The following TDRD12 variants were observed in gnomAD, a reference collection of about 807,000 sequenced individuals.
TDRD12 encodes the protein tudor domain containing 12.
In TDRD12, 158 loss-of-function variants were observed where a neutral mutation model predicts 133.5. The observed-to-expected ratio is 1.18, with a 90% confidence interval of 1.04 to 1.35. TDRD12 has a LOEUF of 1.35. Among genes scored for constraint, TDRD12 ranks in the 40% most tolerant of loss-of-function variants. The pLI, the probability that TDRD12 is intolerant of heterozygous loss-of-function variation, is 0.00. For missense variants in TDRD12, 1,443 were observed against 1,321.3 expected (o/e 1.09, Z -1.43); for synonymous variants, 460 against 477.9 (o/e 0.96, Z 0.49).
rs1970496247 is a variant in TDRD12 at position 32,773,540 on chromosome 19, T to A, written c.1040+8T>A. 1.9e-6 allele frequency: 3 copies of A among 1,551,402 alleles called. No individual in the cohort carries two copies. The East Asian group carries it at 7.3e-5, about 38-fold the overall frequency. ...AGATGTACCAGAAGCAAGGTATGAT[T>A]TGAAAATTCAAACTGGGTGTGGTGG... On this transcript the variant is annotated splice_region_variant and intron_variant, in intron 10 of 27. Coordinates refer to ENST00000444215, the Ensembl canonical transcript of TDRD12.
rs563099252 is a variant in TDRD12, at chr19:32,826,768, A to C, written c.1049+170A>C. ...CCCAAGGGTAAGGCATAGAGCGCCC[A>C]CTCTCCGAGGGGTTGTAGGTTCTGA... is the stretch of plus-strand genomic sequence containing the variant. On this transcript the variant is annotated intron_variant, in intron 9 of 9. Transcript: ENST00000637289. The C allele has an allele frequency of 2.4e-6, 3 of 1,229,564 alleles. No homozygotes were observed. In the South Asian group the frequency reaches 1.2e-4, roughly 51 times the overall value. 76.2% of individuals were successfully genotyped at this position (1,229,564 alleles called of 1,614,324 possible).
intron 11 of TDRD12, among the ~76,000 whole-genome samples, chr19:32,777,828 TATATATATATATATATATATATATATA>T (rs1454644982): frequency 4.6e-3 from 29 of 6,300 alleles, no homozygotes; most frequent in African/African-American, 6.9e-3. Flanking sequence ...TATATATATA[TATATATATATATATATATATATATATA>T]TATTTTTTTT....
At chr19:32,729,794 T>C (rs1426756456) in intron 1 of TDRD12, among the ~76,000 whole-genome samples, 2 of 125,800 alleles carry the variant, frequency 1.6e-5, no homozygotes, top group African/African-American at 6.6e-5. Context: ...TTTTTTTTTT[T>C]TTTTTTTTTT....
chr19:32,816,815 G>T (rs1599626247), intron 26 of TDRD12, among the ~76,000 whole-genome samples: 1 of 152,174 alleles, frequency 6.6e-6, no homozygotes, highest in Non-Finnish European at 1.5e-5. Context: ...CTTCCAGCCA[G>T]GAGGAAAACA....
At chr19:32,756,013 G>A in exon 7 of TDRD12, 1 of 1,467,496 alleles carries the variant, frequency 6.8e-7, no homozygotes, top group Non-Finnish European at 8.9e-7. Flanking sequence ...TGATGATCTT[G>A]TTGCAAAGAA....
intron 1 of TDRD12, among the ~76,000 whole-genome samples, chr19:32,727,514 T>G (rs928631630): frequency 4.6e-5 from 7 of 152,224 alleles, no homozygotes; most frequent in African/African-American, 1.7e-4. Flanking sequence ...CCTGTGGCTT[T>G]GGTGTCATAT....
At chr19:32,755,141 A>G (rs1969955998) in intron 6 of TDRD12, among the ~76,000 whole-genome samples, 1 of 152,218 alleles carries the variant, frequency 6.6e-6, no homozygotes, top group African/African-American at 2.4e-5. Flanking sequence ...GTGTGGATAT[A>G]CTACAGTGTA....
chr19:32,743,900 C>A (rs912893070), intron 4 of TDRD12, among the ~76,000 whole-genome samples: 1 of 151,552 alleles, frequency 6.6e-6, no homozygotes, highest in Non-Finnish European at 1.5e-5. Flanking sequence ...TGGTGGTAGG[C>A]ATCTGTAATC....
rs549986576 is a variant in TDRD12 at position 32,751,768 on chromosome 19, A to G, written c.582+1899A>G. The stretch of plus-strand genomic sequence containing the variant: ...GAGTTGCGATCTCATTATGTTGCCC[A>G]GGCTGGTCTCAACAGGCAGTCTTCT... On this transcript the variant is annotated intron_variant, in intron 6 of 27. Coordinates refer to ENST00000444215, the Ensembl canonical transcript of TDRD12. 1.4e-4 allele frequency among the ~76,000 whole-genome samples: 22 copies of G among 152,350 alleles called. No individual in the cohort carries two copies. The East Asian group carries it at 4.1e-3, about 28-fold the overall frequency.
intron 25 of TDRD12, among the ~76,000 whole-genome samples, chr19:32,814,276 C>CCGTGT (rs1356736879): frequency 6.6e-6 from 1 of 152,142 alleles, no homozygotes; most frequent in Non-Finnish European, 1.5e-5. Flanking sequence ...TCACGGGCCT[C>CCGTGT]CGTGTCTCTC....
downstream of TDRD12, among the ~76,000 whole-genome samples, chr19:32,822,841 C>T (rs1024546212): frequency 2.6e-5 from 4 of 152,084 alleles, no homozygotes; most frequent in Non-Finnish European, 5.9e-5. Context: ...GACCATTTGC[C>T]GTCACTGGAA....
intron 2 of TDRD12, among the ~76,000 whole-genome samples, chr19:32,732,672 A>C (rs997655587): frequency 6.6e-6 from 1 of 152,198 alleles, no homozygotes; most frequent in African/African-American, 2.4e-5. Context: ...GAAGAGAGTG[A>C]ATTTTTGTAA....
chr19:32,771,457 C>T (rs748737071), intron 8 of TDRD12, among the ~76,000 whole-genome samples: 6 of 152,126 alleles, frequency 3.9e-5, no homozygotes, highest in Non-Finnish European at 7.4e-5. Context: ...TGCACTTGGC[C>T]TGTTTGGTTT....
intron 10 of TDRD12, among the ~76,000 whole-genome samples, chr19:32,773,786 T>C (rs544032753): frequency 2.0e-5 from 3 of 152,260 alleles, no homozygotes; most frequent in African/African-American, 7.2e-5. Context: ...GATTGATGAT[T>C]GGAAAATAGT....
intron 8 of TDRD12, among the ~76,000 whole-genome samples, chr19:32,765,787 T>A (rs572517883): frequency 6.6e-6 from 1 of 151,810 alleles, no homozygotes; most frequent in East Asian, 1.9e-4. Flanking sequence ...ATACCTAATG[T>A]TAAATGACAA....
At chr19:32,818,257 G>A (rs188455745) in intron 27 of TDRD12, 100 bp downstream of exon 27, 4 of 622,574 alleles carry the variant, frequency 6.4e-6, no homozygotes, top group East Asian at 2.7e-5. Context: ...GAGTCTCCAC[G>A]GGCCGAGGGA....
At chr19:32,816,338 G>A (rs1401873469) in intron 26 of TDRD12, among the ~76,000 whole-genome samples, 2 of 152,144 alleles carry the variant, frequency 1.3e-5, no homozygotes, top group Admixed American at 6.5e-5. Context: ...CTCCCCAAGA[G>A]GAGCCATTCT....
intron 11 of TDRD12, among the ~76,000 whole-genome samples, chr19:32,785,255 T>C (rs1243981699): frequency 1.3e-5 from 2 of 152,204 alleles, no homozygotes; most frequent in Non-Finnish European, 2.9e-5. Flanking sequence ...TCAGCTTCCA[T>C]GTAGTTGTGC....
chr19:32,815,517 T>C (rs532747851), exon 26 of TDRD12: 1 of 1,536,414 alleles, frequency 6.5e-7, no homozygotes. Flanking sequence ...TGAAATTTTG[T>C]CCATGGGCAT....
Sources: allele counts gnomAD v4.1 joint callset (sites outside exome capture counted in the v4.1 genomes callset), GRCh38; gene constraint gnomAD v4.1.1; transcripts MANE v1.5; gene names NCBI Gene and HGNC (gene_info 2026-07-23, HGNC 2026-07-21).